COL12A1: variants seen among roughly 807,000 people sequenced by gnomAD.
COL12A1 encodes the protein collagen type XII alpha 1 chain, also known as collagen alpha-1(XII) chain.
In COL12A1, 114 loss-of-function variants were observed where a neutral mutation model predicts 349.7. The ratio of observed to expected loss-of-function variants is 0.33; its 90% CI spans 0.28 to 0.38. COL12A1 has a LOEUF of 0.38. Among genes scored for constraint, COL12A1 ranks in the 10% least tolerant of loss-of-function variants. The pLI, the probability that COL12A1 is intolerant of heterozygous loss-of-function variation, is 1.00. For missense variants in COL12A1, 3,284 were observed against 3,756.9 expected (o/e 0.87, Z 3.29); for synonymous variants, 1,369 against 1,329.0 (o/e 1.03, Z -0.66).
At chr6:75,202,152 G>A (rs1361832036) in intron 2 of COL12A1, among the ~76,000 whole-genome samples, 1 of 152,210 alleles carries the variant, frequency 6.6e-6, no homozygotes, top group African/African-American at 2.4e-5. Flanking sequence ...CCGCTTGCCT[G>A]CCATCATCCC....
At chr6:75,129,721 G>T (rs1356317691) in intron 37 of COL12A1, among the ~76,000 whole-genome samples, 2 of 152,224 alleles carry the variant, frequency 1.3e-5, no homozygotes, top group Admixed American at 6.5e-5. Context: ...GAAAGGGTAA[G>T]ATTTGGATAA....
Position 75,124,006 on chromosome 6 carries a change from A to G in COL12A1, c.6813T>C (p.Thr2271=). 6.2e-7 allele frequency: 1 copy of G among 1,613,928 alleles called. No individual in the cohort carries two copies. Among genetic ancestry groups the G allele is most frequent in the Non-Finnish European group, 8.5e-7 (1 of 1,179,824 alleles). Reference sequence around the variant, plus strand: ...CGAGATTTGGTGTCTGCACAAAAACAGTGACACCATAATCAGTGTCTGGTG... The same window carrying G: ...CGAGATTTGGTGTCTGCACAAAAACGGTGACACCATAATCAGTGTCTGGTG... ...GLSPDTDYGV[T]VFVQTPNLEG... is the part of the protein sequence containing the mutation. Residue 2271 remains threonine (T), a synonymous_variant, in exon 42 of 66, where the codon ACT becomes ACC. Coordinates refer to ENST00000322507, the MANE Select transcript of COL12A1 (RefSeq NM_004370.6).
At position 75,138,803 on chromosome 6, in the gene COL12A1, G is replaced by A. The variant is rs1464793824; in HGVS notation, c.5097+19C>T. On this transcript the variant is annotated intron_variant, in intron 28 of 65. Coordinates refer to ENST00000322507, the MANE Select transcript of COL12A1 (RefSeq NM_004370.6). The stretch of plus-strand genomic sequence containing the variant: ...ATGGGACATGAAAGACAGAGAGAAA[G>A]ATAAAGAGAGTTAACTACCTCCATC... 11 of 1,613,266 alleles carry A rather than the reference G, an allele frequency of 6.8e-6. No homozygotes were observed. The highest frequency in any genetic ancestry group is 8.5e-6 in the Non-Finnish European group (10 of 1,179,750).
At chr6:75,188,238 G>A in intron 8 of COL12A1, 124 bp downstream of exon 8, 2 of 994,250 alleles carry the variant, frequency 2.0e-6, no homozygotes, top group Non-Finnish European at 2.9e-6. Flanking sequence ...CAATACAGTG[G>A]AGTATACAAT....
chr6:75,159,672 T>G (rs1767934151), intron 14 of COL12A1, among the ~76,000 whole-genome samples: 1 of 151,750 alleles, frequency 6.6e-6, no homozygotes, highest in Non-Finnish European at 1.5e-5. Context: ...ATCTCTTAAA[T>G]TTTTACTCAG....
intron 13 of COL12A1, among the ~76,000 whole-genome samples, chr6:75,167,508 G>A (rs997453270): frequency 2.6e-5 from 4 of 152,122 alleles, no homozygotes; most frequent in Admixed American, 6.5e-5. Context: ...AATTAACACC[G>A]GGGTAATTTT....
rs565527251 is a variant in COL12A1 at position 75,148,536 on chromosome 6, T to C, written c.4148-39A>G. On this transcript the variant is annotated intron_variant, in intron 21 of 65. Transcript: ENST00000322507. ...TAAAGGGTATACACTTTTCTCATTA[T>C]TGTAGAAAGGTGACAATATTTGAAA... The C allele has an allele frequency of 4.5e-6, 7 of 1,560,894 alleles. No individual in the cohort carries two copies. In the African/African-American group the frequency reaches 5.4e-5, roughly 12 times the overall value.
At chr6:75,131,821 T>G in intron 35 of COL12A1, 119 bp downstream of exon 35, 1 of 1,104,694 alleles carries the variant, frequency 9.1e-7, no homozygotes, top group Non-Finnish European at 1.3e-6. Context: ...TCAAAAACAA[T>G]AATTTAAGTA....
At chr6:75,152,709 C>A (rs1481319470) in intron 17 of COL12A1, among the ~76,000 whole-genome samples, 1 of 152,036 alleles carries the variant, frequency 6.6e-6, no homozygotes, top group Non-Finnish European at 1.5e-5. Context: ...TTTCAGTGGC[C>A]AATCTTTCCT....
At chr6:75,106,774 AAAGTG>A (rs374269673) in intron 52 of COL12A1, among the ~76,000 whole-genome samples, 242 of 152,308 alleles carry the variant, frequency 1.6e-3, no homozygotes, top group African/African-American at 5.5e-3. Context: ...AAGAGATAGA[AAAGTG>A]AAAGGTGTAT....
chr6:75,202,957 A>G lies in COL12A1; in HGVS notation c.-35-130T>C, dbSNP rs1370794343. The stretch of plus-strand genomic sequence containing the variant: ...TAAAAACCACAGGGCCTACTCCAGC[A>G]CATAATGGGCCTATTGTGAAGCAGT... On this transcript the variant is annotated intron_variant, in intron 1 of 65. Transcript: ENST00000322507. The G allele has an allele frequency of 2.8e-5, 17 of 599,284 alleles. No homozygotes were observed. The Admixed American group carries it at 5.1e-4, about 18-fold the overall frequency. 37.1% of individuals were successfully genotyped at this position (599,284 alleles called of 1,614,324 possible). A position where few individuals can be genotyped will look rare whatever the true frequency, so the allele number is the denominator to read the frequency against.
At chr6:75,140,088 A>T (rs996060373) in intron 27 of COL12A1, among the ~76,000 whole-genome samples, 1 of 152,220 alleles carries the variant, frequency 6.6e-6, no homozygotes, top group African/African-American at 2.4e-5. Flanking sequence ...GGAAATCTTA[A>T]GGGAAAATAT....
chr6:75,145,381 G>T lies in COL12A1; in HGVS notation c.4635C>A (p.Val1545=). ...TAGTGAGGTCGTGCAGGACAGCCTG[G>T]ACTGTGACTGCATACTCCGTGTTGG... ...LVPNTEYAVT[V]QAVLHDLTSE... Residue 1545 remains valine (V), a synonymous_variant, in exon 25 of 66, where the codon GTC becomes GTA. Coordinates refer to ENST00000322507, the MANE Select transcript of COL12A1 (RefSeq NM_004370.6). The T allele has an allele frequency of 6.2e-7, 1 of 1,613,920 alleles. No homozygotes were observed.
At chr6:75,098,760 C>G (rs1285623832) in intron 58 of COL12A1, among the ~76,000 whole-genome samples, 1 of 152,198 alleles carries the variant, frequency 6.6e-6, no homozygotes, top group Admixed American at 6.5e-5. Context: ...TGCTCTGTCT[C>G]TCTTCAATAC....
chr6:75,201,966 G>A (rs1770551462), intron 2 of COL12A1, among the ~76,000 whole-genome samples: 1 of 152,230 alleles, frequency 6.6e-6, no homozygotes, highest in Non-Finnish European at 1.5e-5. Context: ...GCAAGGGCAG[G>A]ACACTGGAGG....
In COL12A1 at chr6:75,183,974, T is replaced by C. The variant is rs753692463; in HGVS notation, c.1168A>G (p.Ser390Gly). Residue 390 changes from serine to glycine, a missense_variant, in exon 9 of 66, where the codon AGT (serine) becomes GGT (glycine). Physicochemically the swap from Ser to Gly is moderately conservative, Grantham distance 56. Around this residue, in one of 2 missense-constraint regions of COL12A1, gnomAD observed 2,601 missense variants for 2,824.8 expected, o/e 0.92. Coordinates refer to ENST00000322507, the MANE Select transcript of COL12A1 (RefSeq NM_004370.6). ...LSVGPQTTTL[S>G]VRDLSADTEY... is the part of the protein sequence containing the mutation. ...GTGTCTGCTGAGAGGTCGCGAACACTGAGCGTGGTTGTCTGAGGCCCCACA... is the reference window on the plus strand; with the variant it reads ...GTGTCTGCTGAGAGGTCGCGAACACCGAGCGTGGTTGTCTGAGGCCCCACA... 6.2e-6 allele frequency: 10 copies of C among 1,614,104 alleles called. No individual in the cohort carries two copies.
In COL12A1 at chr6:75,113,332, T is replaced by G; in HGVS notation, c.7841-19A>C. ...CTAGAAGCTGTAATCAACATAAAAG[T>G]GTTATTAAATCATATGCATTGTATA... On this transcript the variant is annotated intron_variant, in intron 50 of 65. Coordinates refer to ENST00000322507, the MANE Select transcript of COL12A1 (RefSeq NM_004370.6). 6.9e-7 allele frequency: 1 copy of G among 1,444,648 alleles called. No homozygotes were observed. The highest frequency in any genetic ancestry group is 9.3e-7 in the Non-Finnish European group (1 of 1,070,236). 89.5% of individuals were successfully genotyped at this position (1,444,648 alleles called of 1,614,324 possible). A position where few individuals can be genotyped will look rare whatever the true frequency, so the allele number is the denominator to read the frequency against.
intron 8 of COL12A1, 97 bp downstream of exon 8, chr6:75,188,265 G>C: frequency 7.6e-7 from 1 of 1,312,514 alleles, no homozygotes; most frequent in Non-Finnish European, 1.0e-6. Flanking sequence ...ATCACTGGAA[G>C]AAATATTTAA....
Position 75,134,733 on chromosome 6 carries a change from G to T in COL12A1, c.5517C>A (p.Gly1839=), listed in dbSNP as rs1283870886. 4.4e-6 allele frequency: 7 copies of T among 1,605,206 alleles called. No homozygotes were observed. Among genetic ancestry groups the T allele is most frequent in the Non-Finnish European group, 6.0e-6 (7 of 1,174,172 alleles). The change falls in exon 32 of 66, where the codon GGC becomes GGA. Residue 1839 remains glycine, a synonymous_variant. Transcript: ENST00000322507. ...AACTCAGGTTTCACTTACTGGTCTTGCCTCTTCCCGTCATCCGACCTCCTT... is the reference window on the plus strand; with the variant it reads ...AACTCAGGTTTCACTTACTGGTCTTTCCTCTTCCCGTCATCCGACCTCCTT... ...DGEGGRMTGR[G]KTKPLNTVRN...
Sources: allele counts gnomAD v4.1 joint callset (sites outside exome capture counted in the v4.1 genomes callset), GRCh38; gene constraint gnomAD v4.1.1; regional missense constraint gnomAD v4.1.1; transcripts MANE v1.5; gene names NCBI Gene and HGNC (gene_info 2026-07-23, HGNC 2026-07-21).